GSK3B: variants seen among roughly 807,000 people sequenced by gnomAD.
The protein encoded by GSK3B is glycogen synthase kinase 3 beta.
A neutral mutation model predicts 56.4 loss-of-function variants in GSK3B; 15 were observed. That is an observed-to-expected ratio of 0.27 (90% CI 0.18 to 0.41). The LOEUF (loss-of-function observed/expected upper bound fraction) is 0.41, where lower values mean the gene tolerates loss of function less well. GSK3B is among the 10% of genes least tolerant of loss of function. GSK3B has a pLI of 1.00. For missense variants in GSK3B, 300 were observed against 513.4 expected, an observed-to-expected ratio of 0.58 and a Z score of 4.02; for synonymous variants, 181 against 188.9, an observed-to-expected ratio of 0.96 and a Z score of 0.34.
At chr3:119,938,887 A>G (rs1281281344) in intron 3 of GSK3B, among the ~76,000 whole-genome samples, 1 of 152,138 alleles carries the variant, frequency 6.6e-6, no homozygotes. Context: ...TACATAGCCA[A>G]CTTCACATTG....
intron 2 of GSK3B, among the ~76,000 whole-genome samples, chr3:119,990,688 G>A (rs2057556154): frequency 6.6e-6 from 1 of 152,172 alleles, no homozygotes; most frequent in African/African-American, 2.4e-5. Context: ...CAGCACTTTG[G>A]GAGACTGAGG....
At chr3:119,927,877 A>C (rs1156927777) in intron 3 of GSK3B, among the ~76,000 whole-genome samples, 1 of 152,242 alleles carries the variant, frequency 6.6e-6, no homozygotes, top group Non-Finnish European at 1.5e-5. Flanking sequence ...GGCAAAAGAA[A>C]GCAAGGAAAG....
intron 7 of GSK3B, among the ~76,000 whole-genome samples, chr3:119,888,096 T>TA (rs1389798843): frequency 6.6e-5 from 10 of 152,222 alleles, no homozygotes; most frequent in African/African-American, 2.2e-4. Flanking sequence ...AGTTCAGGAT[T>TA]AAAGAAAGAC....
intron 1 of GSK3B, among the ~76,000 whole-genome samples, chr3:120,076,690 T>C (rs1160529841): frequency 6.6e-6 from 1 of 151,276 alleles, no homozygotes; most frequent in East Asian, 1.9e-4. Flanking sequence ...GGCGCACGCC[T>C]GTAGTCCCAG....
intron 7 of GSK3B, among the ~76,000 whole-genome samples, chr3:119,903,924 C>G (rs2056652967): frequency 6.6e-6 from 1 of 152,118 alleles, no homozygotes; most frequent in Non-Finnish European, 1.5e-5. Context: ...GACCAGGAAA[C>G]TACAGCCCAT....
At chr3:119,876,639 G>A in intron 7 of GSK3B, 131 bp from the exon 8 acceptor site, 1 of 623,426 alleles carries the variant, frequency 1.6e-6, no homozygotes, top group Non-Finnish European at 2.9e-6. Context: ...ATTAAATAGA[G>A]CAGTGCCATG....
chr3:119,921,176 T>C (rs993831604), intron 4 of GSK3B, among the ~76,000 whole-genome samples: 3 of 152,212 alleles, frequency 2.0e-5, no homozygotes, highest in African/African-American at 7.2e-5. Context: ...GAGGATGCTA[T>C]GGAATAGACT....
chr3:119,863,297 C>A, intron 9 of GSK3B, 122 bp downstream of exon 9: 1 of 756,056 alleles, frequency 1.3e-6, no homozygotes, highest in Non-Finnish European at 2.3e-6. Flanking sequence ...GCTCTTTTCA[C>A]CTACCTAAGT....
At chr3:119,908,136 G>A (rs1487611366) in intron 6 of GSK3B, among the ~76,000 whole-genome samples, 1 of 152,064 alleles carries the variant, frequency 6.6e-6, no homozygotes, top group East Asian at 1.9e-4. Flanking sequence ...AGTCTTAAGA[G>A]GCAAGTATCC....
intron 8 of GSK3B, among the ~76,000 whole-genome samples, chr3:119,870,700 G>A (rs1323916540): frequency 6.6e-6 from 1 of 152,204 alleles, no homozygotes; most frequent in African/African-American, 2.4e-5. Context: ...TAATAAGGAT[G>A]TGGGTAGAAC....
intron 1 of GSK3B, among the ~76,000 whole-genome samples, chr3:120,082,571 T>A (rs1330052265): frequency 6.6e-6 from 1 of 151,912 alleles, no homozygotes; most frequent in Admixed American, 6.6e-5. Flanking sequence ...AATTTTCGTA[T>A]TTTTAGTAGA....
intron 2 of GSK3B, among the ~76,000 whole-genome samples, chr3:119,992,049 T>C (rs1009321261): frequency 1.3e-5 from 2 of 152,092 alleles, no homozygotes; most frequent in Non-Finnish European, 2.9e-5. Context: ...GTTCTTCCTA[T>C]ATTAATTTAT....
At position 120,093,890 on chromosome 3, in the gene GSK3B, G is replaced by A. The variant is rs769047496; in HGVS notation, c.-456C>T. 7 of 191,136 alleles carry A rather than the reference G, an allele frequency of 3.7e-5. No homozygotes were observed. Among genetic ancestry groups the A allele is most frequent in the East Asian group, 1.7e-4 (2 of 11,834 alleles). The allele number at this position is 191,136 out of a possible 1,614,324, so 11.8% of individuals were successfully genotyped here. A position where few individuals can be genotyped will look rare whatever the true frequency, so the allele number is the denominator to read the frequency against. ...AGTCTCACGCTTGAAGAGAAAGGGG[G>A]ATGGGTAGGAGGGAGGGAGAGGGAG... On this transcript the variant is annotated 5_prime_UTR_variant, in exon 1 of 11. Transcript: ENST00000264235.
intron 1 of GSK3B, among the ~76,000 whole-genome samples, chr3:120,040,683 G>A (rs921663204): frequency 2.0e-5 from 3 of 151,994 alleles, no homozygotes; most frequent in Admixed American, 2.0e-4. Context: ...CCAATCTCTT[G>A]TTAAAAGACC....
chr3:119,878,870 T>C (rs1279435333), intron 7 of GSK3B, among the ~76,000 whole-genome samples: 1 of 152,176 alleles, frequency 6.6e-6, no homozygotes. Context: ...TATGGAATTC[T>C]AGTAAATTTT....
At position 119,991,510 on chromosome 3, in the gene GSK3B, C is replaced by CAAAAAAAA. The variant is rs61063108; in HGVS notation, c.282+10528_282+10535dup. Among the ~76,000 whole-genome samples the CAAAAAAAA allele has an allele frequency of 5.1e-5, 4 of 78,940 alleles. 1 individual carries two copies. The highest frequency in any genetic ancestry group is 7.8e-5 in the Non-Finnish European group (3 of 38,494). 51.8% of individuals were successfully genotyped at this position (78,940 alleles called of 152,430 possible). On this transcript the variant is annotated intron_variant, in intron 2 of 10. Coordinates refer to ENST00000264235, the MANE Select transcript of GSK3B (RefSeq NM_001146156.2). ...ATTATCTCTCATCTTTACTATTCAC[C>CAAAAAAAA]AAAAAAAAAAAAAAAAAAAAAGCCT... is the stretch of plus-strand genomic sequence containing the variant.
intron 1 of GSK3B, among the ~76,000 whole-genome samples, chr3:120,070,032 G>A (rs934246432): frequency 6.6e-6 from 1 of 151,972 alleles, no homozygotes; most frequent in Non-Finnish European, 1.5e-5. Flanking sequence ...GGCCAAAATG[G>A]CGAAACCCCG....
At chr3:120,003,563 T>C (rs1014534183) in intron 1 of GSK3B, among the ~76,000 whole-genome samples, 1 of 152,224 alleles carries the variant, frequency 6.6e-6, no homozygotes, top group African/African-American at 2.4e-5. Flanking sequence ...TGAATTCCAA[T>C]TAACCTAATA....
At chr3:120,013,808 C>G (rs1559876474) in intron 1 of GSK3B, among the ~76,000 whole-genome samples, 2 of 150,818 alleles carry the variant, frequency 1.3e-5, no homozygotes. Context: ...GTAAATTTTT[C>G]AGGTTAAGTT....
Sources: allele counts gnomAD v4.1 joint callset (sites outside exome capture counted in the v4.1 genomes callset), GRCh38; gene constraint gnomAD v4.1.1; transcripts MANE v1.5; gene names NCBI Gene and HGNC (gene_info 2026-07-23, HGNC 2026-07-21).